The following SYNJ1 variants were observed in gnomAD, a reference collection of about 807,000 sequenced individuals.
SYNJ1 encodes the protein synaptojanin 1, also known as polyphosphatidylinositol phosphatase SYNJ1.
A neutral mutation model predicts 168.2 loss-of-function variants in SYNJ1; 78 were observed. The observed-to-expected ratio is 0.46, with a 90% CI of 0.39 to 0.56. SYNJ1 has a LOEUF of 0.56. Among genes scored for constraint, SYNJ1 ranks in the 20% least tolerant of loss-of-function variants. The probability of loss-of-function intolerance (pLI) is 0.00; values close to 1 mark genes in which losing one functional copy is unlikely to be tolerated. For synonymous variants in SYNJ1, 539 were observed against 548.6 expected, an observed-to-expected ratio of 0.98 and a Z score of 0.24; for missense variants, 1,303 against 1,597.6, an observed-to-expected ratio of 0.82 and a Z score of 3.14.
At chr21:32,711,241 T>C (rs2042817819) in intron 2 of SYNJ1, among the ~76,000 whole-genome samples, 1 of 152,160 alleles carries the variant, frequency 6.6e-6, no homozygotes. Flanking sequence ...AGAGTATAAA[T>C]ATATCAATTG....
Position 32,657,696 on chromosome 21 carries a change from A to G in SYNJ1, c.2461+20T>C, listed in dbSNP as rs754827160. ...TAAGTTTACATTAGTTCATTTAAAT[A>G]AAGAAGCCCATTTCCCAACCTGATC... is the stretch of plus-strand genomic sequence containing the variant. On this transcript the variant is annotated intron_variant, in intron 19 of 32. Transcript: ENST00000674351. 2 of 1,570,816 alleles carry G rather than the reference A, an allele frequency of 1.3e-6. No homozygotes were observed. The highest frequency in any genetic ancestry group is 3.4e-4 in the Middle Eastern group (2 of 5,852).
Position 32,650,200 on chromosome 21 carries a change from T to C in SYNJ1, c.3021A>G (p.Ala1007=). 1 of 1,601,890 alleles carries C rather than the reference T, an allele frequency of 6.2e-7. No homozygotes were observed. Among genetic ancestry groups the C allele is most frequent in the Non-Finnish European group, 8.5e-7 (1 of 1,176,752 alleles). The part of the protein sequence containing the change: ...TLLGEDAEVA[A]DFDMEGDVDD... ...GAAACAAACCTTCCATATCAAAATC[T>C]GCTGCAACCTCTGCATCTTCACCAA... Residue 1007 remains alanine, a synonymous_variant, in exon 23 of 33, where the codon GCA becomes GCG. Transcript: ENST00000674351.
chr21:32,679,454 G>A (rs565385492), intron 11 of SYNJ1, among the ~76,000 whole-genome samples: 11 of 152,180 alleles, frequency 7.2e-5, no homozygotes, highest in African/African-American at 2.6e-4. Flanking sequence ...TATTCCTATA[G>A]TGAGATTTGA....
At chr21:32,728,246 T>A, upstream of SYNJ1, 1 of 587,588 alleles carries the variant, frequency 1.7e-6, no homozygotes, top group Non-Finnish European at 2.9e-6. Context: ...AGAGGGAAGA[T>A]CTGGCCTCCT....
chr21:32,694,825 CACTG>C (rs370992357), intron 5 of SYNJ1, among the ~76,000 whole-genome samples: 4 of 152,124 alleles, frequency 2.6e-5, no homozygotes, highest in African/African-American at 9.7e-5. Flanking sequence ...AAACACACAA[CACTG>C]ACTATGTCAT....
rs2039292422 is a variant in SYNJ1, at chr21:32,630,913, G to A, written c.*892C>T. The A allele has an allele frequency of 7.6e-7, 1 of 1,321,866 alleles. No homozygotes were observed. Among genetic ancestry groups the A allele is most frequent in the African/African-American group, 1.5e-5 (1 of 68,044 alleles). 81.9% of individuals were successfully genotyped at this position (1,321,866 alleles called of 1,614,324 possible). On this transcript the variant is annotated 3_prime_UTR_variant, in exon 33 of 33. Coordinates refer to ENST00000674351, the MANE Select transcript of SYNJ1 (RefSeq NM_203446.3). The stretch of plus-strand genomic sequence containing the variant: ...ATCAGTGCACTTACAATGACTTATT[G>A]CACATAATGAAATACTAATGCCCAA...
chr21:32,695,005 C>A, intron 5 of SYNJ1, 52 bp downstream of exon 5: 1 of 1,482,970 alleles, frequency 6.7e-7, no homozygotes, highest in Admixed American at 1.8e-5. Context: ...CTAGTATTTT[C>A]TGTGCTTCTC....
chr21:32,645,056 CA>C (rs1291887364), intron 25 of SYNJ1, 50 bp from the exon 26 acceptor site: 5 of 1,558,018 alleles, frequency 3.2e-6, no homozygotes, highest in Non-Finnish European at 4.4e-6. Flanking sequence ...ACATTAAATA[CA>C]GAAGTGAAAT....
Position 32,629,473 on chromosome 21 carries a change from GC to G in SYNJ1, c.*2331del, listed in dbSNP as rs2039239781. On this transcript the variant is annotated 3_prime_UTR_variant, in exon 33 of 33. Transcript: ENST00000674351. ...ATAACATTTGAGCATTTAGAAAAAT[GC>G]TTTTTTTCTAATAGATTTGCTTTAT... 1 of 152,562 alleles carries G rather than the reference GC, an allele frequency of 6.6e-6. No individual in the cohort carries two copies. The highest frequency in any genetic ancestry group is 2.4e-5 in the African/African-American group (1 of 41,428). The allele number at this position is 152,562 out of a possible 1,614,324, so 9.5% of individuals were successfully genotyped here.
At chr21:32,641,752 T>C in intron 29 of SYNJ1, 144 bp downstream of exon 29, 1 of 565,894 alleles carries the variant, frequency 1.8e-6, no homozygotes, top group Non-Finnish European at 3.1e-6. Context: ...AGTCGGAAGA[T>C]CATCAAGTGC....
intron 2 of SYNJ1, among the ~76,000 whole-genome samples, chr21:32,702,695 G>C (rs1022281402): frequency 1.3e-5 from 2 of 152,184 alleles, no homozygotes; most frequent in Non-Finnish European, 2.9e-5. Context: ...GTCTACAGTT[G>C]ATCCTTGAGA....
At chr21:32,709,361 C>G (rs1411031474) in intron 2 of SYNJ1, among the ~76,000 whole-genome samples, 1 of 151,628 alleles carries the variant, frequency 6.6e-6, no homozygotes, top group Non-Finnish European at 1.5e-5. Context: ...ACTGTAGTCC[C>G]AGCTAGTCAG....
chr21:32,683,560 T>A (rs1381703148), intron 10 of SYNJ1, among the ~76,000 whole-genome samples: 1 of 152,148 alleles, frequency 6.6e-6, no homozygotes, highest in Non-Finnish European at 1.5e-5. Context: ...CCTGTTTTTT[T>A]ATAGCTACTA....
chr21:32,716,726 G>GT (rs1474186917), intron 2 of SYNJ1, among the ~76,000 whole-genome samples: 1 of 152,160 alleles, frequency 6.6e-6, no homozygotes, highest in Non-Finnish European at 1.5e-5. Flanking sequence ...TTCTTCAAGT[G>GT]TTTTTCTTCC....
intron 3 of SYNJ1, among the ~76,000 whole-genome samples, chr21:32,701,332 G>C (rs572196948): frequency 1.3e-5 from 2 of 152,272 alleles, no homozygotes; most frequent in Admixed American, 6.5e-5. Context: ...TCACCCTTTA[G>C]TTGAGCTGAC....
chr21:32,639,819 C>T (rs769309755), intron 29 of SYNJ1, 40 bp from the exon 30 acceptor site: 6 of 1,525,434 alleles, frequency 3.9e-6, no homozygotes, highest in Non-Finnish European at 5.4e-6. Context: ...ATTTACTTAC[C>T]TTCCACAGGT....
intron 23 of SYNJ1, among the ~76,000 whole-genome samples, chr21:32,648,994 A>G (rs190289128): frequency 6.6e-6 from 1 of 152,302 alleles, no homozygotes; most frequent in African/African-American, 2.4e-5. Flanking sequence ...TCACTCCTCT[A>G]TAGCATTAAT....
At chr21:32,728,394 G>A (rs1160433759), upstream of SYNJ1, 1 of 231,330 alleles carries the variant, frequency 4.3e-6, no homozygotes, top group Non-Finnish European at 8.6e-6. Context: ...TGACGGGAGA[G>A]GAGGAAGGGC....
intron 18 of SYNJ1, among the ~76,000 whole-genome samples, chr21:32,662,621 T>G (rs2040759452): frequency 6.6e-6 from 1 of 152,208 alleles, no homozygotes; most frequent in Admixed American, 6.5e-5. Flanking sequence ...TCTTGAAATT[T>G]GATGCCTGTG....
Sources: gnomAD v4.1 joint callset for allele counts (sites outside exome capture counted in the v4.1 genomes callset) on GRCh38, gnomAD v4.1.1 for gene constraint, MANE v1.5 for transcripts, NCBI Gene and HGNC (gene_info 2026-07-23, HGNC 2026-07-21) for gene names.